Variants in GXYLT2 observed in about 807,000 individuals in gnomAD.
GXYLT2 encodes the protein glycosyltransferase 8 domain containing 4.
Under a neutral mutation model 45.8 loss-of-function variants are expected in GXYLT2, and 53 were observed. The observed-to-expected ratio is 1.16, with a 90% CI of 0.93 to 1.46. The LOEUF (loss-of-function observed/expected upper bound fraction) is 1.46. GXYLT2 is among the 40% of genes most tolerant of loss of function. GXYLT2 has a pLI of 0.00. For missense variants in GXYLT2, 551 were observed against 544.4 expected, an observed-to-expected ratio of 1.01 and a Z score of -0.12; for synonymous variants, 219 against 214.2, an observed-to-expected ratio of 1.02 and a Z score of -0.19.
chr3:72,911,118 C>G (rs933675844), intron 2 of GXYLT2, among the ~76,000 whole-genome samples: 1 of 152,082 alleles, frequency 6.6e-6, no homozygotes, highest in Non-Finnish European at 1.5e-5. Context: ...ATAGTAAAAC[C>G]CTGTCTCTAC....
intron 5 of GXYLT2, among the ~76,000 whole-genome samples, chr3:72,966,479 T>C (rs1710869639): frequency 6.7e-6 from 1 of 148,288 alleles, no homozygotes; most frequent in African/African-American, 2.5e-5. Flanking sequence ...TTTTTTTTTT[T>C]GATACAGGAT....
At chr3:72,915,364 G>A (rs564381296) in intron 2 of GXYLT2, among the ~76,000 whole-genome samples, 1 of 134,422 alleles carries the variant, frequency 7.4e-6, no homozygotes, top group Non-Finnish European at 1.6e-5. Flanking sequence ...TGCGGGGGGG[G>A]GGGGGATTTA....
intron 3 of GXYLT2, among the ~76,000 whole-genome samples, chr3:72,937,449 C>T (rs1710207303): frequency 6.6e-6 from 1 of 152,188 alleles, no homozygotes; most frequent in Non-Finnish European, 1.5e-5. Flanking sequence ...CACCCAATGC[C>T]TACTGCACTT....
chr3:72,914,834 C>T (rs961191402), intron 2 of GXYLT2, among the ~76,000 whole-genome samples: 41 of 152,250 alleles, frequency 2.7e-4, no homozygotes, highest in African/African-American at 9.9e-4. Flanking sequence ...TTCTCCAGCC[C>T]TCCCACTGGT....
intron 3 of GXYLT2, chr3:72,928,906 G>A (rs1025909339): frequency 4.1e-5 from 28 of 690,534 alleles, no homozygotes; most frequent in African/African-American, 3.2e-4. Flanking sequence ...GACGGAACCC[G>A]GCGTTCGTCC....
intron 3 of GXYLT2, among the ~76,000 whole-genome samples, chr3:72,935,704 A>C (rs1258378906): frequency 2.6e-5 from 4 of 152,226 alleles, no homozygotes; most frequent in Non-Finnish European, 5.9e-5. Context: ...TTGGAGCAAT[A>C]CCTTTAAAAT....
intron 2 of GXYLT2, among the ~76,000 whole-genome samples, chr3:72,914,494 T>C (rs1709692911): frequency 6.6e-6 from 1 of 151,386 alleles, no homozygotes; most frequent in African/African-American, 2.4e-5. Flanking sequence ...AGTATATATA[T>C]GTATGTTTTT....
chr3:72,940,118 A>T (rs1710273525), intron 3 of GXYLT2, among the ~76,000 whole-genome samples: 1 of 152,164 alleles, frequency 6.6e-6, no homozygotes, highest in African/African-American at 2.4e-5. Flanking sequence ...TGATTGTGTC[A>T]CTGTACTCCA....
intron 3 of GXYLT2, among the ~76,000 whole-genome samples, chr3:72,948,589 A>T (rs1459530826): frequency 6.6e-6 from 1 of 152,218 alleles, no homozygotes; most frequent in African/African-American, 2.4e-5. Context: ...CTGTAATCCC[A>T]GCACTTTGGG....
chr3:72,939,276 G>A (rs113682732), intron 3 of GXYLT2, among the ~76,000 whole-genome samples: 1 of 151,960 alleles, frequency 6.6e-6, no homozygotes, highest in South Asian at 2.1e-4. Context: ...GTGAAACCCT[G>A]TCTCTACTAA....
At chr3:72,936,904 C>T (rs1415982527) in intron 3 of GXYLT2, among the ~76,000 whole-genome samples, 1 of 152,116 alleles carries the variant, frequency 6.6e-6, no homozygotes, top group Non-Finnish European at 1.5e-5. Flanking sequence ...AAAACCTATT[C>T]TTCCAGGGTA....
intron 3 of GXYLT2, among the ~76,000 whole-genome samples, chr3:72,926,633 G>T (rs1709923216): frequency 6.6e-6 from 1 of 152,156 alleles, no homozygotes; most frequent in Admixed American, 6.5e-5. Flanking sequence ...GAAGTAGTGA[G>T]ATTTTATAAT....
Position 72,888,509 on chromosome 3 carries a change from G to T in GXYLT2, c.275+1G>T. The T allele has an allele frequency of 8.1e-7, 1 of 1,235,394 alleles. No individual in the cohort carries two copies. The highest frequency in any genetic ancestry group is 1.0e-6 in the Non-Finnish European group (1 of 987,408). 76.5% of individuals were successfully genotyped at this position (1,235,394 alleles called of 1,614,324 possible). A position where few individuals can be genotyped will look rare whatever the true frequency, so the allele number is the denominator to read the frequency against. On this transcript the variant is annotated splice_donor_variant, in intron 1 of 6. Transcript: ENST00000389617. LOFTEE classifies it high-confidence loss of function. ...CTGCGAGACTGGAGAAGTTGGCGAG[G>T]TGAGTCGTGGCAACCCCAGAATCCC...
At chr3:72,947,645 C>CA (rs1178971681) in intron 3 of GXYLT2, among the ~76,000 whole-genome samples, 1 of 151,886 alleles carries the variant, frequency 6.6e-6, no homozygotes, top group African/African-American at 2.4e-5. Flanking sequence ...ACTAAAAATG[C>CA]AAAAAAGTAG....
intron 6 of GXYLT2, among the ~76,000 whole-genome samples, chr3:72,968,365 A>G (rs1348015576): frequency 1.3e-5 from 2 of 152,224 alleles, no homozygotes; most frequent in East Asian, 1.9e-4. Flanking sequence ...AAAGAAAATG[A>G]TATTACTCAG....
At chr3:72,951,190 G>T (rs553867562) in intron 3 of GXYLT2, among the ~76,000 whole-genome samples, 1 of 141,362 alleles carries the variant, frequency 7.1e-6, no homozygotes, top group African/African-American at 2.7e-5. Flanking sequence ...ATCAAAAAGT[G>T]ATTTTTTTTT....
chr3:72,929,278 C>T, intron 3 of GXYLT2: 1 of 1,348,940 alleles, frequency 7.4e-7, no homozygotes, highest in African/African-American at 1.4e-5. Context: ...AACGAGGTGG[C>T]CGAATCTTCC....
rs376014071 is a variant in GXYLT2 at position 72,898,511 on chromosome 3, G to T, written c.276-9856G>T. Among the ~76,000 whole-genome samples the T allele has an allele frequency of 5.0e-4, 76 of 152,268 alleles. No individual in the cohort carries two copies. In the South Asian group the frequency reaches 0.014, roughly 28 times the overall value. On this transcript the variant is annotated intron_variant, in intron 1 of 6. Transcript: ENST00000389617. Reference sequence around the variant, plus strand: ...AAAAAATGAAATGAGAATAGTCCAGGTGCCTTCATAGAATTCTGGAGGGGG... The same window carrying T: ...AAAAAATGAAATGAGAATAGTCCAGTTGCCTTCATAGAATTCTGGAGGGGG...
In GXYLT2 at chr3:72,901,230, A is replaced by G. The variant is rs908734335; in HGVS notation, c.276-7137A>G. On this transcript the variant is annotated intron_variant, in intron 1 of 6. Transcript: ENST00000389617. ...CTTGAACCTGGAAAGCGGAGGTTGCAGTGAGGTGAGATCATGCCACTGTAC... is the reference window on the plus strand; with the variant it reads ...CTTGAACCTGGAAAGCGGAGGTTGCGGTGAGGTGAGATCATGCCACTGTAC... Among the ~76,000 whole-genome samples, 4 of 150,826 alleles carry G rather than the reference A, an allele frequency of 2.7e-5. No individual in the cohort carries two copies. The South Asian group carries it at 8.4e-4, about 32-fold the overall frequency.
Sources: gnomAD v4.1 joint callset for allele counts (sites outside exome capture counted in the v4.1 genomes callset) on GRCh38, gnomAD v4.1.1 for gene constraint, MANE v1.5 for transcripts, NCBI Gene and HGNC (gene_info 2026-07-23, HGNC 2026-07-21) for gene names.